The following SH3KBP1 variants were observed in gnomAD, a reference collection of about 807,000 sequenced individuals.
SH3KBP1 encodes the protein SH3 domain-containing kinase-binding protein 1.
In SH3KBP1, 8 loss-of-function variants were observed where a neutral mutation model predicts 50.1. The ratio of observed to expected loss-of-function variants is 0.16; its 90% confidence interval spans 0.09 to 0.29. The LOEUF (loss-of-function observed/expected upper bound fraction) is 0.29, where lower values mean the gene tolerates loss of function less well. Among genes scored for constraint, SH3KBP1 ranks in the 10% least tolerant of loss-of-function variants. The pLI is 1.00. For missense variants in SH3KBP1, 377 were observed against 535.2 expected (o/e 0.70, Z 2.92); for synonymous variants, 227 against 218.6 (o/e 1.04, Z -0.34).
chrX:19,567,010 C>T (rs988708824), intron 13 of SH3KBP1, among the ~76,000 whole-genome samples: 2 of 110,594 alleles, frequency 1.8e-5, no homozygotes, highest in African/African-American at 6.6e-5. Flanking sequence ...TGCCAACCAT[C>T]GCACATCTGT....
rs777430270 is a variant in SH3KBP1, at chrX:19,678,356, T to C, written c.726+5467A>G. On this transcript the variant is annotated intron_variant, in intron 6 of 17. Coordinates refer to ENST00000397821, the MANE Select transcript of SH3KBP1 (RefSeq NM_031892.3). ...CAATCAAAATTCCAGGAGGTTTTTTTTTTTTTTTATGATGATGGGGGATTG... is the reference window on the plus strand; with the variant it reads ...CAATCAAAATTCCAGGAGGTTTTTTCTTTTTTTTATGATGATGGGGGATTG... Among the ~76,000 whole-genome samples, 3 of 110,344 alleles carry C rather than the reference T, an allele frequency of 2.7e-5. No individual in the cohort carries two copies. The South Asian group carries it at 1.2e-3, about 43-fold the overall frequency.
chrX:19,872,244 C>T (rs1335346069), intron 1 of SH3KBP1, among the ~76,000 whole-genome samples: 2 of 32,598 alleles, frequency 6.1e-5, no homozygotes, highest in African/African-American at 2.6e-4. Flanking sequence ...AAGAGTGAAA[C>T]TTCATCTCAA....
chrX:19,766,483 CTTTTTTTTTTTTTTTTTTTTTTTTT>C (rs61439964), intron 2 of SH3KBP1, among the ~76,000 whole-genome samples: 1 of 22,588 alleles, frequency 4.4e-5, no homozygotes, highest in Non-Finnish European at 8.0e-5. Context: ...TTGATTGCAT[CTTTTTTTTTTTTTTTTTTTTTTTTT>C]TTTTTTTTTT....
chrX:19,538,810 C>T (rs2064798349), intron 16 of SH3KBP1, among the ~76,000 whole-genome samples: 2 of 111,249 alleles, frequency 1.8e-5, no homozygotes, highest in African/African-American at 6.5e-5. Context: ...TGGTCCCGAA[C>T]CCCTCACCTC....
At chrX:19,554,413 T>TCATATTAAAATATGATATA (rs1569279659) in intron 13 of SH3KBP1, among the ~76,000 whole-genome samples, 2 of 100,794 alleles carry the variant, frequency 2.0e-5, no homozygotes, top group African/African-American at 7.2e-5. Context: ...ATATTATATA[T>TCATATTAAAATATGATATA]TTTTTTGAGA....
intron 6 of SH3KBP1, among the ~76,000 whole-genome samples, chrX:19,677,351 T>G (rs1369571063): frequency 9.0e-6 from 1 of 111,189 alleles, no homozygotes; most frequent in Non-Finnish European, 1.9e-5. Context: ...ATGAAGAAAT[T>G]CCCTCTCAGG....
chrX:19,827,922 CAAAA>C (rs1489163649), intron 2 of SH3KBP1, among the ~76,000 whole-genome samples: 3 of 96,459 alleles, frequency 3.1e-5, no homozygotes, highest in Non-Finnish European at 4.0e-5. Flanking sequence ...AACAAACAAA[CAAAA>C]AACCCAAAAC....
intron 13 of SH3KBP1, among the ~76,000 whole-genome samples, chrX:19,552,242 G>A (rs776804312): frequency 7.2e-5 from 8 of 111,662 alleles, no homozygotes; most frequent in Non-Finnish European, 1.1e-4. Context: ...TACTGTTTTG[G>A]AAGAGCGCCG....
In SH3KBP1 at chrX:19,812,358, T is replaced by C. The variant is rs182196552; in HGVS notation, c.162+23767A>G. On this transcript the variant is annotated intron_variant, in intron 2 of 17. Coordinates refer to ENST00000397821, the MANE Select transcript of SH3KBP1 (RefSeq NM_031892.3). The stretch of plus-strand genomic sequence containing the variant: ...TTCACATCTTCACCTTCACTCTCCC[T>C]GAACTCTCCTCAAGAATTTATCTCA... 9.1e-4 allele frequency among the ~76,000 whole-genome samples: 101 copies of C among 111,356 alleles called. 1 individual carries two copies. Among genetic ancestry groups the C allele is most frequent in the Admixed American group, 8.2e-3 (86 of 10,499 alleles).
rs1216933293 is a variant in SH3KBP1 at position 19,848,639 on chromosome X, T to C, written c.5-12357A>G. Among the ~76,000 whole-genome samples, 36 of 112,476 alleles carry C rather than the reference T, an allele frequency of 3.2e-4. 2 individuals carry two copies. Among genetic ancestry groups the C allele is most frequent in the Non-Finnish European group, 3.8e-5 (2 of 53,299 alleles). On this transcript the variant is annotated intron_variant, in intron 1 of 17. Transcript: ENST00000397821. ...GAATTCAAGATAACCAAATGGTTGA[T>C]GAGAAATTTCTCTGTATAGGAATAT...
At chrX:19,594,821 C>T (rs112043199) in intron 10 of SH3KBP1, 128 bp downstream of exon 10, 10,594 of 505,338 alleles carry the variant, frequency 0.021, 720 homozygotes, top group African/African-American at 0.2. Flanking sequence ...GAGACCAAAT[C>T]GTAACTTCCC....
chrX:19,687,396 G>A (rs2063190439), intron 5 of SH3KBP1, among the ~76,000 whole-genome samples: 1 of 112,358 alleles, frequency 8.9e-6, no homozygotes, highest in South Asian at 3.7e-4. Flanking sequence ...GATAGAGGCA[G>A]AAAGCAAACA....
At chrX:19,537,900 AACAC>A (rs1486272492) in intron 16 of SH3KBP1, 120 bp from the exon 17 acceptor site, 1 of 584,044 alleles carries the variant, frequency 1.7e-6, no homozygotes, top group African/African-American at 2.3e-5. Context: ...AACTGTGGAC[AACAC>A]ATCATTATTT....
At chrX:19,873,307 T>C (rs913699390) in intron 1 of SH3KBP1, among the ~76,000 whole-genome samples, 7 of 97,648 alleles carry the variant, frequency 7.2e-5, no homozygotes, top group African/African-American at 2.1e-4. Context: ...TATATATATA[T>C]ATATACATAT....
chrX:19,818,129 T>G (rs1384832390), intron 2 of SH3KBP1, among the ~76,000 whole-genome samples: 2 of 112,270 alleles, frequency 1.8e-5, no homozygotes, highest in African/African-American at 6.5e-5. Context: ...CACCTTACAA[T>G]GCATTTCTGA....
chrX:19,811,994 C>A (rs909807601), intron 2 of SH3KBP1, among the ~76,000 whole-genome samples: 2 of 111,946 alleles, frequency 1.8e-5, no homozygotes, highest in Non-Finnish European at 3.8e-5. Context: ...CACAGTTCCT[C>A]CCGCTCTGGG....
chrX:19,640,880 T>C (rs776926828), intron 7 of SH3KBP1, among the ~76,000 whole-genome samples: 1 of 111,612 alleles, frequency 9.0e-6, no homozygotes, highest in African/African-American at 3.3e-5. Context: ...TTGGTTGCTT[T>C]CCACAACCAA....
At chrX:19,584,854 G>A (rs1179144426) in intron 12 of SH3KBP1, among the ~76,000 whole-genome samples, 1 of 111,854 alleles carries the variant, frequency 8.9e-6, no homozygotes, top group African/African-American at 3.3e-5. Flanking sequence ...CTTCCAATGA[G>A]AGCTGCTTAC....
rs143742226 is a variant in SH3KBP1, at chrX:19,594,977, T to G, written c.1029A>C (p.Pro343=). The G allele has an allele frequency of 1.0e-3, 1,242 of 1,201,859 alleles. No individual in the cohort carries two copies. The highest frequency in any genetic ancestry group is 8.9e-4 in the Non-Finnish European group (786 of 888,027). ...EGNRPKKPPP[P]SAPVIKQGAG... ...CCCCTTGTTTGATGACAGGAGCGGA[T>G]GGAGGCGGTGGCTTCTTGGGTCTCT... Residue 343 remains proline, a synonymous_variant, in exon 10 of 18, where the codon CCA becomes CCC. Coordinates refer to ENST00000397821, the MANE Select transcript of SH3KBP1 (RefSeq NM_031892.3).
Sources: gnomAD v4.1 joint callset for allele counts (sites outside exome capture counted in the v4.1 genomes callset) on GRCh38, gnomAD v4.1.1 for gene constraint, MANE v1.5 for transcripts, NCBI Gene and HGNC (gene_info 2026-07-23, HGNC 2026-07-21) for gene names.